Variants in C1orf21 observed in about 807,000 individuals in gnomAD.
The protein encoded by C1orf21 is chromosome 1 open reading frame 21.
A neutral mutation model predicts 18.7 loss-of-function variants in C1orf21; 3 were observed. That is an observed-to-expected ratio of 0.16 (90% confidence interval 0.07 to 0.42). The LOEUF is 0.42. Among genes scored for constraint, C1orf21 ranks in the 10% least tolerant of loss-of-function variants. The probability of loss-of-function intolerance (pLI) is 0.99; values close to 1 mark genes in which losing one functional copy is unlikely to be tolerated. For missense variants in C1orf21, 104 were observed against 143.6 expected (o/e 0.72, Z 1.41); for synonymous variants, 41 against 46.4 (o/e 0.88, Z 0.47).
intron 3 of C1orf21, among the ~76,000 whole-genome samples, chr1:184,529,495 T>C (rs556679900): frequency 5.3e-5 from 8 of 152,250 alleles, no homozygotes; most frequent in Non-Finnish European, 8.8e-5. Flanking sequence ...TCTGTACATA[T>C]GTATTTATGA....
chr1:184,573,852 T>A, intron 3 of C1orf21, among the ~76,000 whole-genome samples: 1 of 152,082 alleles, frequency 6.6e-6, no homozygotes, highest in African/African-American at 2.4e-5. Context: ...CTTTAAAAAA[T>A]TAAAAATAAA....
At chr1:184,466,878 G>A (rs1345266405) in intron 1 of C1orf21, among the ~76,000 whole-genome samples, 1 of 152,076 alleles carries the variant, frequency 6.6e-6, no homozygotes, top group Non-Finnish European at 1.5e-5. Flanking sequence ...TGAGGACTAA[G>A]CAGGTTTCCC....
chr1:184,494,993 G>A lies in C1orf21; in HGVS notation c.95-12595G>A, dbSNP rs147412922. Among the ~76,000 whole-genome samples the A allele has an allele frequency of 3.9e-5, 6 of 152,306 alleles. No homozygotes were observed. The East Asian group carries it at 1.2e-3, about 29-fold the overall frequency. On this transcript the variant is annotated intron_variant, in intron 2 of 5. Coordinates refer to ENST00000235307, the MANE Select transcript of C1orf21 (RefSeq NM_030806.4). ...CATGGCCCAAGTGAGGAGAAGTGCT[G>A]CAGCCCTAGAACCTCCTGGGACTGC... is the stretch of plus-strand genomic sequence containing the variant.
At chr1:184,590,304 G>C (rs12410630) in intron 3 of C1orf21, among the ~76,000 whole-genome samples, 5 of 152,012 alleles carry the variant, frequency 3.3e-5, no homozygotes, top group Non-Finnish European at 5.9e-5. Flanking sequence ...TTCCTGTCAC[G>C]GCTAGGGCCT....
intron 3 of C1orf21, among the ~76,000 whole-genome samples, chr1:184,538,047 T>A (rs993747684): frequency 2.0e-5 from 3 of 152,200 alleles, no homozygotes; most frequent in African/African-American, 7.2e-5. Flanking sequence ...AGAACTGTTT[T>A]CCACAGTCGC....
chr1:184,550,795 C>A (rs541194829), intron 3 of C1orf21, among the ~76,000 whole-genome samples: 1 of 152,200 alleles, frequency 6.6e-6, no homozygotes, highest in South Asian at 2.1e-4. Context: ...CCTCAGCCTC[C>A]CAAAATGCTG....
chr1:184,403,717 C>G (rs939999536), intron 1 of C1orf21, among the ~76,000 whole-genome samples: 6 of 152,188 alleles, frequency 3.9e-5, no homozygotes, highest in African/African-American at 1.4e-4. Context: ...ACTTCTTTCT[C>G]AAGTGGAACA....
intron 1 of C1orf21, among the ~76,000 whole-genome samples, chr1:184,390,332 C>T (rs1655952148): frequency 6.6e-6 from 1 of 152,118 alleles, no homozygotes; most frequent in East Asian, 1.9e-4. Context: ...AGGGTATGTA[C>T]ACATGGGTAA....
In C1orf21 at chr1:184,581,378, C is replaced by T. The variant is rs190987666; in HGVS notation, c.190-9361C>T. ...CTGGGAGGCGAAGGTTGCAGTGAGCCGAGATTGTGCCACTGCACTCCAGCC... is the reference window on the plus strand; with the variant it reads ...CTGGGAGGCGAAGGTTGCAGTGAGCTGAGATTGTGCCACTGCACTCCAGCC... On this transcript the variant is annotated intron_variant, in intron 3 of 5. Transcript: ENST00000235307. Among the ~76,000 whole-genome samples, 18 of 150,802 alleles carry T rather than the reference C, an allele frequency of 1.2e-4. No individual in the cohort carries two copies. The East Asian group carries it at 2.9e-3, about 25-fold the overall frequency.
Position 184,616,400 on chromosome 1 carries a change from C to A in C1orf21, c.328-3118C>A, listed in dbSNP as rs182167940. On this transcript the variant is annotated intron_variant, in intron 5 of 5. Coordinates refer to ENST00000235307, the MANE Select transcript of C1orf21 (RefSeq NM_030806.4). ...CCTTGCAGGACTGATATAAATAGTA[C>A]GTAAAATAATATCTGCAAAGCAGCT... Among the ~76,000 whole-genome samples the A allele has an allele frequency of 2.1e-3, 316 of 152,308 alleles. 1 individual carries two copies. The highest frequency in any genetic ancestry group is 6.9e-3 in the African/African-American group (286 of 41,552).
In C1orf21 at chr1:184,477,390, A is replaced by T; in HGVS notation, c.-120A>T. 1.4e-6 allele frequency: 1 copy of T among 715,422 alleles called. No individual in the cohort carries two copies. Among genetic ancestry groups the T allele is most frequent in the Non-Finnish European group, 2.3e-6 (1 of 428,572 alleles). 44.3% of individuals were successfully genotyped at this position (715,422 alleles called of 1,614,324 possible). On this transcript the variant is annotated 5_prime_UTR_variant, in exon 2 of 6. Coordinates refer to ENST00000235307, the MANE Select transcript of C1orf21 (RefSeq NM_030806.4). The stretch of plus-strand genomic sequence containing the variant: ...TCTAGCTTTCTTTTCTTGCAGGTGC[A>T]CACATCTTGACCAACTCAGCAGCAA...
At chr1:184,571,715 C>G (rs1659116291) in intron 3 of C1orf21, among the ~76,000 whole-genome samples, 1 of 152,166 alleles carries the variant, frequency 6.6e-6, no homozygotes, top group Non-Finnish European at 1.5e-5. Context: ...CCAGACCTCT[C>G]TCATCATTAG....
Position 184,627,195 on chromosome 1 carries a change from C to T in C1orf21, c.*7639C>T, listed in dbSNP as rs180974697. ...AGCTGGGAGCTCTGCAGGTATGAGTCAGGGAAGGCTCAGAGACAAGCAGAA... is the reference window on the plus strand; with the variant it reads ...AGCTGGGAGCTCTGCAGGTATGAGTTAGGGAAGGCTCAGAGACAAGCAGAA... On this transcript the variant is annotated 3_prime_UTR_variant, in exon 6 of 6. Transcript: ENST00000235307. 6.6e-6 allele frequency: 1 copy of T among 152,518 alleles called. No individual in the cohort carries two copies. The highest frequency in any genetic ancestry group is 2.4e-5 in the African/African-American group (1 of 41,528). 9.4% of individuals were successfully genotyped at this position (152,518 alleles called of 1,614,324 possible). A position where few individuals can be genotyped will look rare whatever the true frequency, so the allele number is the denominator to read the frequency against.
At chr1:184,468,877 C>T (rs1209468365) in intron 1 of C1orf21, among the ~76,000 whole-genome samples, 2 of 151,676 alleles carry the variant, frequency 1.3e-5, no homozygotes, top group Non-Finnish European at 2.9e-5. Flanking sequence ...GAGATTGTGC[C>T]ATTGCACTCC....
Position 184,492,320 on chromosome 1 carries a change from C to A in C1orf21, c.94+14717C>A, listed in dbSNP as rs975762966. 7.2e-5 allele frequency among the ~76,000 whole-genome samples: 11 copies of A among 152,286 alleles called. No individual in the cohort carries two copies. The South Asian group carries it at 2.1e-3, about 29-fold the overall frequency. Reference sequence around the variant, plus strand: ...GTGAGTGGGTGGAACTGTGTGATTGCTATGGGAGTGTTGAGTGCTAATGTT... The same window carrying A: ...GTGAGTGGGTGGAACTGTGTGATTGATATGGGAGTGTTGAGTGCTAATGTT... On this transcript the variant is annotated intron_variant, in intron 2 of 5. Transcript: ENST00000235307.
Position 184,412,719 on chromosome 1 carries a change from G to T in C1orf21, c.-125+25351G>T, listed in dbSNP as rs142982421. Among the ~76,000 whole-genome samples, 140 of 152,262 alleles carry T rather than the reference G, an allele frequency of 9.2e-4. 1 individual carries two copies. In the East Asian group the frequency reaches 0.024, roughly 26 times the overall value. ...GCTGTTGGGGAGACTGAGGCCAGAG[G>T]TTTGCTTGAGCCCAGGAGTTCAAGG... On this transcript the variant is annotated intron_variant, in intron 1 of 5. Transcript: ENST00000235307.
rs185839326 is a variant in C1orf21, at chr1:184,555,930, T to A, written c.190-34809T>A. Among the ~76,000 whole-genome samples the A allele has an allele frequency of 2.6e-5, 4 of 152,328 alleles. No individual in the cohort carries two copies. In the East Asian group the frequency reaches 7.7e-4, roughly 29 times the overall value. The stretch of plus-strand genomic sequence containing the variant: ...AAAGGGATCCCTGAGGAGATCTCAC[T>A]GTAGCCACAGGCTGGGACTCCTGCT... On this transcript the variant is annotated intron_variant, in intron 3 of 5. Coordinates refer to ENST00000235307, the MANE Select transcript of C1orf21 (RefSeq NM_030806.4).
At chr1:184,500,812 C>T (rs1657963694) in intron 2 of C1orf21, among the ~76,000 whole-genome samples, 1 of 152,126 alleles carries the variant, frequency 6.6e-6, no homozygotes, top group African/African-American at 2.4e-5. Flanking sequence ...GACAGTGATG[C>T]CTCCTGGTCT....
intron 3 of C1orf21, among the ~76,000 whole-genome samples, chr1:184,550,016 G>T (rs1658790420): frequency 6.6e-6 from 1 of 152,098 alleles, no homozygotes. Context: ...TTTTAAAATA[G>T]GCTTTGCGTT....
Sources: gnomAD v4.1 joint callset for allele counts (sites outside exome capture counted in the v4.1 genomes callset) on GRCh38, gnomAD v4.1.1 for gene constraint, MANE v1.5 for transcripts, NCBI Gene and HGNC (gene_info 2026-07-23, HGNC 2026-07-21) for gene names.